The following MSH4 variants were observed in gnomAD, a reference collection of about 807,000 sequenced individuals.
MSH4 encodes the protein mutS protein homolog 4.
Under a neutral mutation model 113.7 loss-of-function variants are expected in MSH4, and 106 were observed. The ratio of observed to expected loss-of-function variants is 0.93; its 90% CI spans 0.80 to 1.10. The LOEUF (loss-of-function observed/expected upper bound fraction) is 1.10. MSH4 is among the 50% of genes least tolerant of loss of function. The probability of loss-of-function intolerance (pLI) is 0.00; values close to 1 mark genes in which losing one functional copy is unlikely to be tolerated. For missense variants in MSH4, 1,061 were observed against 1,093.7 expected (o/e 0.97, Z 0.42); for synonymous variants, 368 against 380.2 (o/e 0.97, Z 0.37).
rs5745483 is a variant in MSH4, at chr1:75,883,542, T to C, written c.1907-79T>C. The C allele has an allele frequency of 3.5e-4, 395 of 1,121,904 alleles. 2 individuals are homozygous for C. The African/African-American group carries it at 5.5e-3, about 16-fold the overall frequency. The allele number at this position is 1,121,904 out of a possible 1,614,324, so 69.5% of individuals were successfully genotyped here. On this transcript the variant is annotated intron_variant, in intron 14 of 19. Transcript: ENST00000263187. Reference sequence around the variant, plus strand: ...GACCAGTGTGAAAATCACTAAGATATAGACAATACATACACACTACAAAAT... The same window carrying C: ...GACCAGTGTGAAAATCACTAAGATACAGACAATACATACACACTACAAAAT...
At chr1:75,878,837 A>C (rs1211555665) in intron 11 of MSH4, among the ~76,000 whole-genome samples, 155 bp from the exon 12 acceptor site, 1 of 152,102 alleles carries the variant, frequency 6.6e-6, no homozygotes, top group Non-Finnish European at 1.5e-5. Context: ...TGAAAAAAAA[A>C]AAAAATTATT....
At chr1:75,804,261 C>A (rs188650466) in intron 2 of MSH4, among the ~76,000 whole-genome samples, 6 of 151,752 alleles carry the variant, frequency 4.0e-5, no homozygotes, top group Admixed American at 2.6e-4. Context: ...TAATTTTTAT[C>A]TAAATCTATG....
chr1:75,901,283 C>A (rs947595037), intron 19 of MSH4, among the ~76,000 whole-genome samples: 2 of 152,124 alleles, frequency 1.3e-5, no homozygotes, highest in Non-Finnish European at 2.9e-5. Context: ...TTTTTGTACG[C>A]ATTAACCAAC....
In MSH4 at chr1:75,797,073, C is replaced by T; in HGVS notation, c.88C>T (p.Arg30Cys). 2.5e-6 allele frequency: 4 copies of T among 1,614,034 alleles called. No individual in the cohort carries two copies. The highest frequency in any genetic ancestry group is 2.5e-6 in the Non-Finnish European group (3 of 1,179,930). ...AGAAACCCGCTCACCTCAGGGTCCC[C>T]GCTACAATTTCGGACTCCAGGAGAC... is the stretch of plus-strand genomic sequence containing the variant. The part of the protein sequence containing the change: ...SGETRSPQGP[R>C]YNFGLQETPQ... The change falls in exon 1 of 20, where the codon CGC becomes TGC. Residue 30 changes from arginine (R) to cysteine (C), a missense_variant. Arg to Cys is a radical substitution (Grantham distance 180). Transcript: ENST00000263187.
intron 6 of MSH4, among the ~76,000 whole-genome samples, chr1:75,818,678 T>A (rs549841337): frequency 6.6e-6 from 1 of 152,338 alleles, no homozygotes; most frequent in East Asian, 1.9e-4. Context: ...TCAACTCTAC[T>A]ATCAAATTCA....
chr1:75,855,430 T>C (rs1651295385), intron 8 of MSH4, among the ~76,000 whole-genome samples: 1 of 152,190 alleles, frequency 6.6e-6, no homozygotes, highest in African/African-American at 2.4e-5. Flanking sequence ...TAGAGGCTAA[T>C]AATCTGAAAT....
At chr1:75,898,410 A>G (rs1316876565) in intron 18 of MSH4, among the ~76,000 whole-genome samples, 1 of 152,236 alleles carries the variant, frequency 6.6e-6, no homozygotes, top group East Asian at 1.9e-4. Flanking sequence ...TATATTTTCT[A>G]CACAATCTTT....
chr1:75,877,921 T>C (rs1651849699), intron 10 of MSH4, among the ~76,000 whole-genome samples: 1 of 152,146 alleles, frequency 6.6e-6, no homozygotes, highest in African/African-American at 2.4e-5. Context: ...TGTAGAATTG[T>C]TTTTGGGGTC....
chr1:75,862,637 C>G (rs1273372595), intron 8 of MSH4, among the ~76,000 whole-genome samples: 1 of 152,046 alleles, frequency 6.6e-6, no homozygotes, highest in African/African-American at 2.4e-5. Flanking sequence ...TAATGTTTCT[C>G]AGTTATCATT....
In MSH4 at chr1:75,815,151, T is replaced by C; in HGVS notation, c.815+15T>C. On this transcript the variant is annotated intron_variant, in intron 5 of 19. Transcript: ENST00000263187. The stretch of plus-strand genomic sequence containing the variant: ...GTTCAGTCCAAGTAAGTTATATATT[T>C]ATTTATTTTTTTACTAGCCCACAGC... 1 of 1,390,534 alleles carries C rather than the reference T, an allele frequency of 7.2e-7. No homozygotes were observed. Among genetic ancestry groups the C allele is most frequent in the Non-Finnish European group, 9.8e-7 (1 of 1,025,052 alleles). The allele number at this position is 1,390,534 out of a possible 1,614,324, so 86.1% of individuals were successfully genotyped here.
intron 19 of MSH4, among the ~76,000 whole-genome samples, chr1:75,902,715 A>G (rs796896788): frequency 0.018 from 505 of 28,228 alleles, 56 homozygotes; most frequent in African/African-American, 0.06. Context: ...ATATATATAT[A>G]TATATATATA....
Position 75,893,001 on chromosome 1 carries a change from T to A in MSH4, c.2355+2177T>A, listed in dbSNP as rs5745520. 6.7e-3 allele frequency among the ~76,000 whole-genome samples: 1,024 copies of A among 152,274 alleles called. 32 individuals are homozygous for A. The highest frequency in any genetic ancestry group is 0.059 in the Admixed American group (900 of 15,300). On this transcript the variant is annotated intron_variant, in intron 17 of 19. Coordinates refer to ENST00000263187, the MANE Select transcript of MSH4 (RefSeq NM_002440.4). Reference sequence around the variant, plus strand: ...CAAGCACACCAGGGTTAGCAGGAACTGTGTTTTCCCTAGCTAGAAACCACA... The same window carrying A: ...CAAGCACACCAGGGTTAGCAGGAACAGTGTTTTCCCTAGCTAGAAACCACA...
chr1:75,811,823 A>G (rs1274755591), intron 4 of MSH4, among the ~76,000 whole-genome samples: 1 of 152,202 alleles, frequency 6.6e-6, no homozygotes, highest in African/African-American at 2.4e-5. Context: ...TGAGGTTTGG[A>G]GTCCAATGAG....
chr1:75,797,208 C>T lies in MSH4; in HGVS notation c.223C>T (p.Pro75Ser). Residue 75 changes from proline (P) to serine (S), a missense_variant, in exon 1 of 20, where the codon CCA becomes TCA. Pro to Ser is a moderately conservative substitution (Grantham distance 74). Coordinates refer to ENST00000263187, the MANE Select transcript of MSH4 (RefSeq NM_002440.4). ...CAGCAGCAGCCTTCCCTGCCCCGCGCCAAACTCCCGGCCAGCTCAAGGCAA... is the reference window on the plus strand; with the variant it reads ...CAGCAGCAGCCTTCCCTGCCCCGCGTCAAACTCCCGGCCAGCTCAAGGCAA... ...SSSSSLPCPAPNSRPAQGSYF... is the reference protein window; with the variant it reads ...SSSSSLPCPASNSRPAQGSYF... The T allele has an allele frequency of 6.2e-7, 1 of 1,605,752 alleles. No homozygotes were observed. The highest frequency in any genetic ancestry group is 8.5e-7 in the Non-Finnish European group (1 of 1,176,376).
In MSH4 at chr1:75,881,233, A is replaced by AC. The variant is rs199887700; in HGVS notation, c.1782-13_1782-12insC. On this transcript the variant is annotated splice_polypyrimidine_tract_variant and intron_variant, in intron 13 of 19. Coordinates refer to ENST00000263187, the MANE Select transcript of MSH4 (RefSeq NM_002440.4). Reference sequence around the variant, plus strand: ...AAAAACATTATTACATGTCTTACCAAACGTGTTTTCAGGATAGTGTGCAAA... The same window carrying AC: ...AAAAACATTATTACATGTCTTACCAACACGTGTTTTCAGGATAGTGTGCAAA... 2.3e-6 allele frequency: 3 copies of AC among 1,276,744 alleles called. No homozygotes were observed. The highest frequency in any genetic ancestry group is 3.1e-6 in the Non-Finnish European group (3 of 962,988). 79.1% of individuals were successfully genotyped at this position (1,276,744 alleles called of 1,614,324 possible).
At chr1:75,895,099 GAC>G (rs766966102) in intron 17 of MSH4, among the ~76,000 whole-genome samples, 3 of 151,940 alleles carry the variant, frequency 2.0e-5, no homozygotes, top group Non-Finnish European at 4.4e-5. Flanking sequence ...TCCACCAAGA[GAC>G]ATAGTGATAA....
chr1:75,822,954 TA>T (rs1557496612), intron 7 of MSH4, among the ~76,000 whole-genome samples: 1 of 152,214 alleles, frequency 6.6e-6, no homozygotes, highest in African/African-American at 2.4e-5. Context: ...TAGGCTGCTC[TA>T]AAAACTAGTA....
intron 8 of MSH4, among the ~76,000 whole-genome samples, chr1:75,851,994 A>C (rs1197219966): frequency 6.6e-6 from 1 of 152,198 alleles, no homozygotes; most frequent in Non-Finnish European, 1.5e-5. Context: ...AATCATTCCC[A>C]GAAGCAATCC....
At chr1:75,901,277 T>G (rs934880105) in intron 19 of MSH4, among the ~76,000 whole-genome samples, 1 of 152,162 alleles carries the variant, frequency 6.6e-6, no homozygotes, top group Admixed American at 6.5e-5. Flanking sequence ...ACTGTATTTT[T>G]GTACGCATTA....
Sources: gnomAD v4.1 joint callset for allele counts (sites outside exome capture counted in the v4.1 genomes callset) on GRCh38, gnomAD v4.1.1 for gene constraint, MANE v1.5 for transcripts, NCBI Gene and HGNC (gene_info 2026-07-23, HGNC 2026-07-21) for gene names.